Variants in DOCK4 observed in about 807,000 individuals in gnomAD.
DOCK4 encodes the protein dedicator of cytokinesis 4, also known as dedicator of cytokinesis protein 4.
Under a neutral mutation model 268.1 loss-of-function variants are expected in DOCK4, and 97 were observed. The observed-to-expected ratio is 0.36, with a 90% CI of 0.31 to 0.43. The LOEUF (loss-of-function observed/expected upper bound fraction) is 0.43. DOCK4 is among the 20% of genes least tolerant of loss of function. The pLI, the probability that DOCK4 is intolerant of heterozygous loss-of-function variation, is 1.00. For missense variants in DOCK4, 2,145 were observed against 2,455.7 expected (o/e 0.87, Z 2.67); for synonymous variants, 954 against 887.2 (o/e 1.08, Z -1.34).
At chr7:111,999,188 T>C (rs1800219603) in intron 3 of DOCK4, among the ~76,000 whole-genome samples, 1 of 152,152 alleles carries the variant, frequency 6.6e-6, no homozygotes, top group Non-Finnish European at 1.5e-5. Context: ...GTTCATTAAA[T>C]GGCAATTATC....
At chr7:112,109,744 CTTTT>C (rs36043991) in intron 1 of DOCK4, among the ~76,000 whole-genome samples, 30 of 115,182 alleles carry the variant, frequency 2.6e-4, no homozygotes, top group African/African-American at 8.3e-4. Flanking sequence ...GTAAAATCAT[CTTTT>C]TTTTTTTTTT....
intron 1 of DOCK4, among the ~76,000 whole-genome samples, chr7:112,031,091 A>C (rs992092523): frequency 1.3e-5 from 2 of 152,250 alleles, no homozygotes; most frequent in African/African-American, 4.8e-5. Flanking sequence ...ATAGAGGAGC[A>C]TCATACTACC....
At chr7:112,205,885 G>A (rs908304444) in intron 1 of DOCK4, among the ~76,000 whole-genome samples, 5 of 152,184 alleles carry the variant, frequency 3.3e-5, no homozygotes, top group Non-Finnish European at 5.9e-5. Context: ...GGCGCTTCGG[G>A]AACCAGTGCG....
intron 1 of DOCK4, among the ~76,000 whole-genome samples, chr7:112,075,660 CA>C (rs532195468): frequency 8.5e-5 from 13 of 152,142 alleles, no homozygotes; most frequent in African/African-American, 3.1e-4. Flanking sequence ...ATTTCTGAAC[CA>C]AAGATTTTCA....
chr7:112,024,264 A>G (rs771003853), intron 1 of DOCK4, among the ~76,000 whole-genome samples: 4 of 152,182 alleles, frequency 2.6e-5, no homozygotes, highest in Non-Finnish European at 5.9e-5. Context: ...ATATCATCTA[A>G]ACGCTGAGAC....
chr7:112,029,906 T>C (rs947106167), intron 1 of DOCK4, among the ~76,000 whole-genome samples: 1 of 152,218 alleles, frequency 6.6e-6, no homozygotes, highest in Non-Finnish European at 1.5e-5. Context: ...ATTAAATAGC[T>C]ATAATATCTC....
intron 1 of DOCK4, among the ~76,000 whole-genome samples, chr7:112,183,932 C>T (rs751840041): frequency 3.3e-5 from 5 of 152,188 alleles, no homozygotes; most frequent in Admixed American, 6.5e-5. Flanking sequence ...ACAGTACCTT[C>T]TCAACTCAAT....
chr7:111,776,241 T>C (rs1044415930), intron 36 of DOCK4, among the ~76,000 whole-genome samples: 3 of 152,190 alleles, frequency 2.0e-5, no homozygotes, highest in Non-Finnish European at 4.4e-5. Context: ...GTTAGAATTA[T>C]AGACAAAGAC....
chr7:112,177,394 C>A (rs898778448), intron 1 of DOCK4, among the ~76,000 whole-genome samples: 5 of 152,174 alleles, frequency 3.3e-5, no homozygotes, highest in African/African-American at 1.2e-4. Context: ...AAGCACTTAG[C>A]CTGATACCTG....
At chr7:111,943,819 T>C (rs1019027184) in intron 10 of DOCK4, among the ~76,000 whole-genome samples, 8 of 152,030 alleles carry the variant, frequency 5.3e-5, no homozygotes, top group Non-Finnish European at 1.2e-4. Context: ...ATACAGAAAA[T>C]CTATGCGGGA....
intron 10 of DOCK4, among the ~76,000 whole-genome samples, chr7:111,943,932 A>C (rs1164363775): frequency 5.9e-5 from 9 of 152,248 alleles, no homozygotes. Flanking sequence ...ACTACATGGC[A>C]AGATATTACT....
intron 1 of DOCK4, among the ~76,000 whole-genome samples, chr7:112,103,759 G>A (rs1454680341): frequency 6.6e-6 from 1 of 152,104 alleles, no homozygotes; most frequent in Non-Finnish European, 1.5e-5. Flanking sequence ...GCGCATGCCT[G>A]TAATCGCAGC....
chr7:112,015,055 G>A (rs1209617310), intron 1 of DOCK4, among the ~76,000 whole-genome samples: 1 of 152,212 alleles, frequency 6.6e-6, no homozygotes, highest in East Asian at 1.9e-4. Flanking sequence ...GGCATTCTTA[G>A]TCATAGGATG....
chr7:112,127,074 G>A (rs1456176371), intron 1 of DOCK4, among the ~76,000 whole-genome samples: 1 of 151,446 alleles, frequency 6.6e-6, no homozygotes, highest in Non-Finnish European at 1.5e-5. Context: ...ATACCCAAAG[G>A]ACTATAAATC....
At chr7:112,183,230 A>T (rs1819207634) in intron 1 of DOCK4, among the ~76,000 whole-genome samples, 2 of 152,212 alleles carry the variant, frequency 1.3e-5, no homozygotes, top group Admixed American at 6.5e-5. Flanking sequence ...AGGGCAGAGA[A>T]AGGCCATAAC....
intron 1 of DOCK4, among the ~76,000 whole-genome samples, chr7:112,067,819 C>T (rs1305203397): frequency 1.3e-5 from 2 of 152,352 alleles, no homozygotes; most frequent in East Asian, 3.9e-4. Context: ...TACCACATTA[C>T]TGCCATGGAA....
intron 1 of DOCK4, among the ~76,000 whole-genome samples, chr7:112,104,698 C>T (rs1048166627): frequency 6.6e-6 from 1 of 151,580 alleles, no homozygotes; most frequent in African/African-American, 2.4e-5. Flanking sequence ...TAAATTTGTG[C>T]TAAGAAATAT....
chr7:111,872,300 T>G lies in DOCK4; in HGVS notation c.1895A>C (p.Gln632Pro). The part of the protein sequence containing the change: ...TLFGILDENS[Q>P]KYGSKVFDSL... ...ATCAAACACTTTAGACCCATATTTT[T>G]GGGAATTTTCATCTAAAATTCCAAA... Residue 632 changes from glutamine (Q) to proline (P), a missense_variant, in exon 19 of 53, where the codon CAA becomes CCA. Transcript: ENST00000428084. 1 of 1,560,482 alleles carries G rather than the reference T, an allele frequency of 6.4e-7. No homozygotes were observed. The highest frequency in any genetic ancestry group is 8.7e-7 in the Non-Finnish European group (1 of 1,152,046).
At chr7:111,761,820 C>T (rs906660291) in intron 39 of DOCK4, among the ~76,000 whole-genome samples, 3 of 152,122 alleles carry the variant, frequency 2.0e-5, no homozygotes, top group Non-Finnish European at 2.9e-5. Context: ...AGGGCAGGCT[C>T]TACCTATAAT....
Sources: gnomAD v4.1 joint callset for allele counts (sites outside exome capture counted in the v4.1 genomes callset) on GRCh38, gnomAD v4.1.1 for gene constraint, MANE v1.5 for transcripts, NCBI Gene and HGNC (gene_info 2026-07-23, HGNC 2026-07-21) for gene names.